ASXL2: variants seen among roughly 807,000 people sequenced by gnomAD.
The protein encoded by ASXL2 is ASXL transcriptional regulator 2.
A neutral mutation model predicts 122.0 loss-of-function variants in ASXL2; 23 were observed. That is an observed-to-expected ratio of 0.19 (90% confidence interval 0.14 to 0.27). The LOEUF (loss-of-function observed/expected upper bound fraction) is 0.27. ASXL2 is among the 10% of genes least tolerant of loss of function. The pLI is 1.00. For synonymous variants in ASXL2, 650 were observed against 637.0 expected, an observed-to-expected ratio of 1.02 and a Z score of -0.31; for missense variants, 1,518 against 1,713.8, an observed-to-expected ratio of 0.89 and a Z score of 2.02.
At position 25,744,234 on chromosome 2, in the gene ASXL2, T is replaced by C. The variant is rs547111275; in HGVS notation, c.2103A>G (p.Pro701=). The C allele has an allele frequency of 3.0e-5, 48 of 1,614,042 alleles. No homozygotes were observed. The East Asian group carries it at 8.9e-4, about 30-fold the overall frequency. Residue 701 remains proline (P), a synonymous_variant, in exon 13 of 13, where the codon CCA becomes CCG. Coordinates refer to ENST00000435504, the MANE Select transcript of ASXL2 (RefSeq NM_018263.6). The surrounding 1 kb of genome is among the most constrained non-coding windows in gnomAD (Gnocchi z 4.7). Reference sequence around the variant, plus strand: ...CAGTCTGCCCTTCACCACCCTCTCCTGGACCTTGTCCACCCCCTGGGCCAG... The same window carrying C: ...CAGTCTGCCCTTCACCACCCTCTCCCGGACCTTGTCCACCCCCTGGGCCAG... ...PGPGPGGGQG[P]GEGGEGQTAR...
chr2:25,808,355 CAG>C (rs1165567413), intron 3 of ASXL2, among the ~76,000 whole-genome samples: 1 of 152,284 alleles, frequency 6.6e-6, no homozygotes, highest in East Asian at 1.9e-4. Flanking sequence ...GTTTTTGAGA[CAG>C]AGTCTCACTC....
rs1396297903 is a variant in ASXL2 at position 25,743,082 on chromosome 2, G to A, written c.3255C>T (p.Pro1085=). ...RRQNLLSVVP[P]SQFNFAHSGF... ...CTGAGTGAGCGAAGTTGAACTGTGA[G>A]GGCGGCACAACTGAGAGAAGATTCT... The change falls in exon 13 of 13, where the codon CCC becomes CCT. Residue 1085 remains proline (P), a synonymous_variant. Transcript: ENST00000435504. 2 of 1,613,902 alleles carry A rather than the reference G, an allele frequency of 1.2e-6. No individual in the cohort carries two copies. The highest frequency in any genetic ancestry group is 1.7e-5 in the Admixed American group (1 of 60,000).
intron 3 of ASXL2, among the ~76,000 whole-genome samples, chr2:25,832,716 C>G (rs945146566): frequency 6.6e-6 from 1 of 152,120 alleles, no homozygotes. Flanking sequence ...AAATGTATGC[C>G]CATACAAAAA....
At chr2:25,867,969 TCAA>T (rs1475539457) in intron 1 of ASXL2, among the ~76,000 whole-genome samples, 2 of 152,234 alleles carry the variant, frequency 1.3e-5, no homozygotes, top group African/African-American at 4.8e-5. Flanking sequence ...TTATGCAGCT[TCAA>T]CAACACAGAT....
intron 1 of ASXL2, among the ~76,000 whole-genome samples, chr2:25,857,207 C>G (rs555708165): frequency 6.6e-5 from 10 of 151,886 alleles, no homozygotes; most frequent in African/African-American, 2.4e-4. Context: ...TCTTCTGTAT[C>G]CAACCCCAAA....
At chr2:25,753,890 T>G (rs956684411) in intron 10 of ASXL2, among the ~76,000 whole-genome samples, 1 of 152,226 alleles carries the variant, frequency 6.6e-6, no homozygotes, top group African/African-American at 2.4e-5. Flanking sequence ...TGGGCTTCCC[T>G]GTGGTACCTT....
Position 25,826,762 on chromosome 2 carries a change from T to TAAAAAAA in ASXL2, c.143+8769_143+8775dup, listed in dbSNP as rs55765302. Among the ~76,000 whole-genome samples the TAAAAAAA allele has an allele frequency of 2.6e-4, 18 of 68,070 alleles. 1 individual carries two copies. The highest frequency in any genetic ancestry group is 4.8e-4 in the East Asian group (1 of 2,082). 44.7% of individuals were successfully genotyped at this position (68,070 alleles called of 152,430 possible). A position where few individuals can be genotyped will look rare whatever the true frequency, so the allele number is the denominator to read the frequency against. The stretch of plus-strand genomic sequence containing the variant: ...AGGATTAAATAATAGACTTTCAAGG[T>TAAAAAAA]AAAAAAAAAAAAAAAAAAAAAAAAA... On this transcript the variant is annotated intron_variant, in intron 3 of 12. Coordinates refer to ENST00000435504, the MANE Select transcript of ASXL2 (RefSeq NM_018263.6).
rs1559510302 is a variant in ASXL2, at chr2:25,784,098, T to TAA, written c.404-12559_404-12558insTT. Among the ~76,000 whole-genome samples, 40 of 137,148 alleles carry TAA rather than the reference T, an allele frequency of 2.9e-4. No individual in the cohort carries two copies. The East Asian group carries it at 5.7e-3, about 19-fold the overall frequency. The allele number at this position is 137,148 out of a possible 152,430, so 90.0% of individuals were successfully genotyped here. A position where few individuals can be genotyped will look rare whatever the true frequency, so the allele number is the denominator to read the frequency against. On this transcript the variant is annotated intron_variant, in intron 5 of 12. Coordinates refer to ENST00000435504, the MANE Select transcript of ASXL2 (RefSeq NM_018263.6). ...ATAAATAAATAAATAAATAAATAAA[T>TAA]ATAAAGTTAGCCAGGTGCGGTGGCG... is the stretch of plus-strand genomic sequence containing the variant.
intron 11 of ASXL2, among the ~76,000 whole-genome samples, chr2:25,753,071 G>A (rs995807278): frequency 2.0e-5 from 3 of 151,380 alleles, no homozygotes; most frequent in East Asian, 3.9e-4. Context: ...AGGTTCAAGC[G>A]ATTCTCCTGC....
chr2:25,753,459 G>T, intron 11 of ASXL2, 75 bp downstream of exon 11: 1 of 997,706 alleles, frequency 1.0e-6, no homozygotes, highest in Non-Finnish European at 1.4e-6. Flanking sequence ...TTTCTGAGAA[G>T]GTAATGAGAT....
chr2:25,750,281 T>C lies in ASXL2; in HGVS notation c.1275A>G (p.Val425=). 6.2e-7 allele frequency: 1 copy of C among 1,614,050 alleles called. No homozygotes were observed. Among genetic ancestry groups the C allele is most frequent in the Non-Finnish European group, 8.5e-7 (1 of 1,179,902 alleles). ...CTTCTTTACACTCTGACTGGGAGAC[T>C]ACTGGAACTATTCTGATAAGAGAGG... is the stretch of plus-strand genomic sequence containing the variant. ...SEASLIRIVP[V]VSQSECKEEA... Residue 425 remains valine (V), a synonymous_variant, in exon 12 of 13, where the codon GTA becomes GTG. Transcript: ENST00000435504.
intron 2 of ASXL2, among the ~76,000 whole-genome samples, chr2:25,838,525 T>TA (rs2089539372): frequency 6.6e-6 from 1 of 152,164 alleles, no homozygotes; most frequent in Non-Finnish European, 1.5e-5. Flanking sequence ...ACAGTTCCAT[T>TA]AAGCTGTGTG....
rs2149136182 is a variant in ASXL2 at position 25,743,005 on chromosome 2, G to A, written c.3332C>T (p.Ala1111Val). The A allele has an allele frequency of 6.2e-7, 1 of 1,614,004 alleles. No homozygotes were observed. Among genetic ancestry groups the A allele is most frequent in the African/African-American group, 1.3e-5 (1 of 75,046 alleles). The change falls in exon 13 of 13, where the codon GCT becomes GTT. Residue 1111 changes from alanine (A) to valine (V), a missense_variant. Ala to Val is a moderately conservative substitution (Grantham distance 64). Around this residue, in one of 8 missense-constraint regions of ASXL2, gnomAD observed 831 missense variants for 833.1 expected, o/e 1.00. Coordinates refer to ENST00000435504, the MANE Select transcript of ASXL2 (RefSeq NM_018263.6). ...TGCAGGTTTGGATGTCCTTCTGCCA[G>A]CAAAACCCAGCATGAACCTCTGGCT... ...STSQRFMLGFAGRRTSKPAMA... is the reference protein window; with the variant it reads ...STSQRFMLGFVGRRTSKPAMA...
chr2:25,758,326 T>C (rs535946088), intron 9 of ASXL2, among the ~76,000 whole-genome samples: 1 of 152,256 alleles, frequency 6.6e-6, no homozygotes, highest in African/African-American at 2.4e-5. Flanking sequence ...AACAAGAGAG[T>C]ATAACCAGTT....
At chr2:25,761,395 C>G (rs2088240153) in intron 8 of ASXL2, among the ~76,000 whole-genome samples, 1 of 152,110 alleles carries the variant, frequency 6.6e-6, no homozygotes, top group South Asian at 2.1e-4. Flanking sequence ...ATGAAAGAGG[C>G]TGGGCAAGGT....
rs933588214 is a variant in ASXL2 at position 25,734,691 on chromosome 2, T to C, written c.*7338A>G. 3.3e-5 allele frequency: 5 copies of C among 152,218 alleles called. No homozygotes were observed. The highest frequency in any genetic ancestry group is 6.5e-5 in the Admixed American group (1 of 15,274). The allele number at this position is 152,218 out of a possible 1,614,324, so 9.4% of individuals were successfully genotyped here. A position where few individuals can be genotyped will look rare whatever the true frequency, so the allele number is the denominator to read the frequency against. Reference sequence around the variant, plus strand: ...AGTATTGACTCAAGTTGGTCTAATATAGTGTTTAGGAAGCCAAGTTCCATT... The same window carrying C: ...AGTATTGACTCAAGTTGGTCTAATACAGTGTTTAGGAAGCCAAGTTCCATT... On this transcript the variant is annotated 3_prime_UTR_variant, in exon 13 of 13. Coordinates refer to ENST00000435504, the MANE Select transcript of ASXL2 (RefSeq NM_018263.6).
chr2:25,825,415 G>A (rs1320528304), intron 3 of ASXL2, among the ~76,000 whole-genome samples: 1 of 152,040 alleles, frequency 6.6e-6, no homozygotes, highest in Admixed American at 6.6e-5. Context: ...CTTACAAAAC[G>A]GAAACTCTAC....
intron 5 of ASXL2, among the ~76,000 whole-genome samples, chr2:25,795,313 G>A (rs1298002776): frequency 6.6e-6 from 1 of 152,044 alleles, no homozygotes; most frequent in African/African-American, 2.4e-5. Context: ...AAAAACAATT[G>A]GACCCAATAT....
intron 8 of ASXL2, among the ~76,000 whole-genome samples, chr2:25,764,181 A>G (rs778037107): frequency 5.3e-5 from 8 of 152,238 alleles, no homozygotes; most frequent in South Asian, 2.1e-4. Flanking sequence ...ATGACATTTT[A>G]AATTGGATAA....
Sources: allele counts gnomAD v4.1 joint callset (sites outside exome capture counted in the v4.1 genomes callset), GRCh38; gene constraint gnomAD v4.1.1; regional missense constraint gnomAD v4.1.1; non-coding constraint Gnocchi (gnomAD v3.1); transcripts MANE v1.5; gene names NCBI Gene and HGNC (gene_info 2026-07-23, HGNC 2026-07-21).